SHLD1: variants seen among roughly 807,000 people sequenced by gnomAD.
SHLD1 encodes the protein RINN1-REV7-interacting novel NHEJ regulator 3.
SHLD1 carries 3 observed loss-of-function variants against 5.5 expected under a neutral mutation model. The ratio of observed to expected loss-of-function variants is 0.54; its 90% CI spans 0.25 to 1.40. The LOEUF (loss-of-function observed/expected upper bound fraction) is 1.40. Ranked by LOEUF, SHLD1 falls within the 40% of genes most tolerant of loss-of-function variation. The pLI is 0.15. For missense variants in SHLD1, 210 were observed against 244.4 expected, an observed-to-expected ratio of 0.86 and a Z score of 0.94; for synonymous variants, 92 against 94.3, an observed-to-expected ratio of 0.98 and a Z score of 0.14.
rs140560518 is a variant in SHLD1, at chr20:5,807,483, G to A, written c.178+34440G>A. On this transcript the variant is annotated intron_variant, in intron 2 of 2. Coordinates refer to ENST00000303142, the MANE Select transcript of SHLD1 (RefSeq NM_152504.4). ...ACTCCTGGGCTCAAGCCATCCTCCT[G>A]CCTCAGTCTCCTGTGTAGCTGGGAC... is the stretch of plus-strand genomic sequence containing the variant. Among the ~76,000 whole-genome samples the A allele has an allele frequency of 9.8e-3, 1,483 of 151,916 alleles. 27 individuals carry two copies. Among genetic ancestry groups the A allele is most frequent in the African/African-American group, 0.034 (1,405 of 41,410 alleles).
intron 2 of SHLD1, among the ~76,000 whole-genome samples, chr20:5,842,503 ATTGTGATTAATAAATTTGAGGAT>A (rs2087876936): frequency 1.3e-5 from 2 of 152,194 alleles, no homozygotes; most frequent in Non-Finnish European, 2.9e-5. Context: ...TTTACAGAAC[ATTGTGATTAATAAATTTGAGGAT>A]TTGTGCTTTA....
chr20:5,817,432 C>CTCTCTCTCTCTCTCTCTG (rs1473391202), intron 2 of SHLD1, among the ~76,000 whole-genome samples: 9 of 85,668 alleles, frequency 1.1e-4, no homozygotes, highest in African/African-American at 1.7e-4. Context: ...CTCTCTCTCT[C>CTCTCTCTCTCTCTCTCTG]TGTGTGTGTG....
intron 2 of SHLD1, among the ~76,000 whole-genome samples, chr20:5,807,652 T>C (rs2122361474): frequency 6.6e-6 from 1 of 152,326 alleles, no homozygotes; most frequent in Admixed American, 6.5e-5. Context: ...GACATATTTC[T>C]GTGGAATCTC....
rs369791672 is a variant in SHLD1 at position 5,790,157 on chromosome 20, T to C, written c.178+17114T>C. ...CCCCTGCCTACATTCACTGGGGAGC[T>C]GGGGGGCACTGGCAGAGGGGATCCC... is the stretch of plus-strand genomic sequence containing the variant. On this transcript the variant is annotated intron_variant, in intron 2 of 2. Transcript: ENST00000303142. 2.6e-5 allele frequency among the ~76,000 whole-genome samples: 4 copies of C among 152,098 alleles called. No homozygotes were observed. In the East Asian group the frequency reaches 7.7e-4, roughly 29 times the overall value.
At chr20:5,770,457 T>C (rs2122234033) in intron 1 of SHLD1, among the ~76,000 whole-genome samples, 1 of 152,320 alleles carries the variant, frequency 6.6e-6, no homozygotes, top group East Asian at 1.9e-4. Context: ...AGTTCCTCAT[T>C]TGCTAACACT....
At position 5,766,790 on chromosome 20, in the gene SHLD1, C is replaced by T. The variant is rs903559191; in HGVS notation, c.-4-6072C>T. ...AATTATATTTTTTCTCTTCTTATAGCGTCAGGGTCTGGCTATGTTGGCCAG... is the reference window on the plus strand; with the variant it reads ...AATTATATTTTTTCTCTTCTTATAGTGTCAGGGTCTGGCTATGTTGGCCAG... On this transcript the variant is annotated intron_variant, in intron 1 of 2. Coordinates refer to ENST00000303142, the MANE Select transcript of SHLD1 (RefSeq NM_152504.4). 2.6e-5 allele frequency among the ~76,000 whole-genome samples: 4 copies of T among 152,052 alleles called. No individual in the cohort carries two copies. In the East Asian group the frequency reaches 5.8e-4, roughly 22 times the overall value.
chr20:5,770,128 C>T (rs568866988), intron 1 of SHLD1, among the ~76,000 whole-genome samples: 2 of 152,088 alleles, frequency 1.3e-5, no homozygotes, highest in African/African-American at 4.8e-5. Flanking sequence ...GGAGGATCCT[C>T]TGCTTCAGGC....
chr20:5,835,446 A>G (rs1269326254), intron 2 of SHLD1, among the ~76,000 whole-genome samples: 1 of 152,190 alleles, frequency 6.6e-6, no homozygotes, highest in Non-Finnish European at 1.5e-5. Flanking sequence ...GGGAGGTAAG[A>G]CCTGCCAAGT....
At chr20:5,821,983 G>A (rs1801443258) in intron 2 of SHLD1, among the ~76,000 whole-genome samples, 1 of 152,180 alleles carries the variant, frequency 6.6e-6, no homozygotes, top group Non-Finnish European at 1.5e-5. Context: ...GGGACCACAT[G>A]CAAGGGGACC....
intron 2 of SHLD1, among the ~76,000 whole-genome samples, chr20:5,813,945 C>CTTTTTTTTTTTTTTTTTTT (rs143110037): frequency 2.5e-5 from 2 of 79,974 alleles, no homozygotes; most frequent in African/African-American, 4.7e-5. Context: ...CCTTTTCTTT[C>CTTTTTTTTTTTTTTTTTTT]TTTTTTTTTT....
At position 5,844,788 on chromosome 20, in the gene SHLD1, TATATA is replaced by T. The variant is rs1184227416; in HGVS notation, c.179-18235_179-18231del. Among the ~76,000 whole-genome samples the T allele has an allele frequency of 4.8e-3, 511 of 106,704 alleles. 8 individuals are homozygous for T. The highest frequency in any genetic ancestry group is 0.023 in the African/African-American group (483 of 21,440). The allele number at this position is 106,704 out of a possible 152,430, so 70.0% of individuals were successfully genotyped here. On this transcript the variant is annotated intron_variant, in intron 2 of 2. Coordinates refer to ENST00000303142, the MANE Select transcript of SHLD1 (RefSeq NM_152504.4). ...TAGTAGACATATATATATATATATATATATATATATATTTTTTTTTTTTTGAGACA... is the reference window on the plus strand; with the variant it reads ...TAGTAGACATATATATATATATATATTATATATTTTTTTTTTTTTGAGACA...
At position 5,863,470 on chromosome 20, in the gene SHLD1, C is replaced by A; in HGVS notation, c.*7C>A. 6.3e-7 allele frequency: 1 copy of A among 1,586,486 alleles called. No individual in the cohort carries two copies. The highest frequency in any genetic ancestry group is 1.3e-5 in the African/African-American group (1 of 74,660). ...TGTAATGAAAGACCTGTAACTGGTG[C>A]CGGGCAGTGTGCAGGGTAGTAATGG... On this transcript the variant is annotated 3_prime_UTR_variant, in exon 3 of 3. Coordinates refer to ENST00000303142, the MANE Select transcript of SHLD1 (RefSeq NM_152504.4).
At chr20:5,832,993 T>C (rs1417854088) in intron 2 of SHLD1, among the ~76,000 whole-genome samples, 1 of 152,158 alleles carries the variant, frequency 6.6e-6, no homozygotes, top group Non-Finnish European at 1.5e-5. Context: ...TGCTTACATT[T>C]CTGGAACCAT....
chr20:5,862,094 C>A (rs940917388), intron 2 of SHLD1, among the ~76,000 whole-genome samples: 2 of 152,196 alleles, frequency 1.3e-5, no homozygotes, highest in African/African-American at 4.8e-5. Flanking sequence ...TACCTATAGA[C>A]CTCATTTAAC....
intron 2 of SHLD1, among the ~76,000 whole-genome samples, chr20:5,797,884 A>G (rs896735554): frequency 6.6e-6 from 1 of 152,164 alleles, no homozygotes; most frequent in Non-Finnish European, 1.5e-5. Context: ...ATACATGTAG[A>G]TATGACCCTC....
chr20:5,795,191 A>C lies in SHLD1; in HGVS notation c.178+22148A>C, dbSNP rs562177241. ...GAAGCAGAGGTTGCAGTAAGCCGAG[A>C]TCACACCACTGTACTTCAGCCTGAG... On this transcript the variant is annotated intron_variant, in intron 2 of 2. Transcript: ENST00000303142. Among the ~76,000 whole-genome samples the C allele has an allele frequency of 3.3e-5, 5 of 151,106 alleles. No individual in the cohort carries two copies. The South Asian group carries it at 1.0e-3, about 32-fold the overall frequency.
At chr20:5,761,472 CAG>C (rs1984461993) in intron 1 of SHLD1, among the ~76,000 whole-genome samples, 1 of 150,498 alleles carries the variant, frequency 6.6e-6, no homozygotes, top group African/African-American at 2.4e-5. Context: ...GGATGGGAAA[CAG>C]AGGAGCAAGT....
intron 2 of SHLD1, among the ~76,000 whole-genome samples, chr20:5,800,419 C>T (rs551260224): frequency 9.2e-5 from 14 of 152,280 alleles, no homozygotes; most frequent in Admixed American, 3.3e-4. Context: ...TAGGGCCGGG[C>T]GTGGTGGCTC....
At chr20:5,817,394 T>TTCTCTCTCTCTCTCTCTC (rs144955343) in intron 2 of SHLD1, among the ~76,000 whole-genome samples, 41 of 75,842 alleles carry the variant, frequency 5.4e-4, no homozygotes, top group Non-Finnish European at 7.3e-4. Context: ...ACGGGATATT[T>TTCTCTCTCTCTCTCTCTC]TCTCTCTCTC....
Sources: allele counts gnomAD v4.1 joint callset (sites outside exome capture counted in the v4.1 genomes callset), GRCh38; gene constraint gnomAD v4.1.1; transcripts MANE v1.5; gene names NCBI Gene and HGNC (gene_info 2026-07-23, HGNC 2026-07-21).